The following ADAMTS17 variants were observed in gnomAD, a reference collection of about 807,000 sequenced individuals.
ADAMTS17 encodes ADAM metallopeptidase with thrombospondin type 1 motif 17.
Under a neutral mutation model 141.5 loss-of-function variants are expected in ADAMTS17, and 113 were observed. The ratio of observed to expected loss-of-function variants is 0.80; its 90% CI spans 0.69 to 0.93. The LOEUF (loss-of-function observed/expected upper bound fraction) is 0.93, where lower values mean the gene tolerates loss of function less well. ADAMTS17 is among the 40% of genes least tolerant of loss of function. ADAMTS17 has a pLI of 0.00. For synonymous variants in ADAMTS17, 768 were observed against 630.6 expected (o/e 1.22, Z -3.27); for missense variants, 1,659 against 1,517.9 (o/e 1.09, Z -1.54).
intron 15 of ADAMTS17, among the ~76,000 whole-genome samples, chr15:100,057,613 G>A (rs2032696529): frequency 6.6e-6 from 1 of 152,138 alleles, no homozygotes; most frequent in Admixed American, 6.5e-5. Flanking sequence ...TTTAAGCAAT[G>A]GTACCCAGGG....
chr15:100,076,503 A>T (rs2034390166), intron 15 of ADAMTS17, among the ~76,000 whole-genome samples: 1 of 152,140 alleles, frequency 6.6e-6, no homozygotes. Context: ...CTATTGCTGG[A>T]TACTTGTATA....
At chr15:99,998,200 C>T (rs2060844409) in intron 18 of ADAMTS17, among the ~76,000 whole-genome samples, 1 of 152,234 alleles carries the variant, frequency 6.6e-6, no homozygotes, top group South Asian at 2.1e-4. Context: ...GCCCTCCCTG[C>T]TTTCCAGAGC....
intron 18 of ADAMTS17, among the ~76,000 whole-genome samples, chr15:100,042,769 G>C (rs1480956): frequency 0.65 from 99,221 of 152,042 alleles, 33,946 homozygotes; most frequent in Non-Finnish European, 0.77. Context: ...GGACAGAGCG[G>C]GATGGTGTGA....
At chr15:100,092,573 C>A (rs1418730059) in intron 15 of ADAMTS17, among the ~76,000 whole-genome samples, 1 of 152,226 alleles carries the variant, frequency 6.6e-6, no homozygotes, top group Non-Finnish European at 1.5e-5. Flanking sequence ...AAAGAAGCCT[C>A]ATTTTGTACC....
chr15:99,974,135 T>TCCC lies in ADAMTS17; in HGVS notation c.*264_*266dup. ...TTGACGGTTGTCTGCCAGAGGTGCT[T>TCCC]CCCTTCGAGGTACCTGAAATCCTAG... On this transcript the variant is annotated 3_prime_UTR_variant, in exon 22 of 22. Transcript: ENST00000268070. 1 of 530,060 alleles carries TCCC rather than the reference T, an allele frequency of 1.9e-6. No homozygotes were observed. Among genetic ancestry groups the TCCC allele is most frequent in the Admixed American group, 3.2e-5 (1 of 31,678 alleles). 32.8% of individuals were successfully genotyped at this position (530,060 alleles called of 1,614,324 possible).
At chr15:100,325,429 C>G (rs1473101054) in intron 3 of ADAMTS17, among the ~76,000 whole-genome samples, 1 of 152,188 alleles carries the variant, frequency 6.6e-6, no homozygotes, top group Non-Finnish European at 1.5e-5. Context: ...CGGAGACATG[C>G]AGAGAGATAA....
At chr15:100,064,215 C>A (rs988910411) in intron 15 of ADAMTS17, among the ~76,000 whole-genome samples, 1 of 152,148 alleles carries the variant, frequency 6.6e-6, no homozygotes, top group Admixed American at 6.5e-5. Context: ...AGCCAAGGAA[C>A]GCCACAGACT....
chr15:100,209,243 C>G (rs1055668160), intron 7 of ADAMTS17, among the ~76,000 whole-genome samples: 1 of 151,672 alleles, frequency 6.6e-6, no homozygotes, highest in African/African-American at 2.4e-5. Flanking sequence ...TTTAGTGAAA[C>G]CTCGGGACAA....
chr15:100,159,308 T>C (rs1369641498), intron 8 of ADAMTS17, among the ~76,000 whole-genome samples: 1 of 152,238 alleles, frequency 6.6e-6, no homozygotes, highest in Non-Finnish European at 1.5e-5. Flanking sequence ...TTCTGCGATA[T>C]GCAACAACAT....
chr15:100,068,944 C>T (rs757264792), intron 15 of ADAMTS17, among the ~76,000 whole-genome samples: 6 of 152,238 alleles, frequency 3.9e-5, no homozygotes, highest in African/African-American at 7.2e-5. Context: ...CAAACTACTC[C>T]GAGCTAAAGG....
intron 7 of ADAMTS17, among the ~76,000 whole-genome samples, chr15:100,204,714 T>C (rs2041464794): frequency 2.0e-5 from 3 of 152,234 alleles, no homozygotes; most frequent in South Asian, 2.1e-4. Flanking sequence ...CTTCCTGACC[T>C]TGGTGTAGAC....
intron 7 of ADAMTS17, among the ~76,000 whole-genome samples, chr15:100,249,859 A>G (rs1232317149): frequency 6.6e-6 from 1 of 152,232 alleles, no homozygotes; most frequent in Non-Finnish European, 1.5e-5. Flanking sequence ...AACACTCATT[A>G]AAACACTTAA....
chr15:100,102,717 G>C (rs2036192368), intron 14 of ADAMTS17, among the ~76,000 whole-genome samples: 1 of 152,172 alleles, frequency 6.6e-6, no homozygotes, highest in African/African-American at 2.4e-5. Context: ...GCAGAAGGCT[G>C]GGCACCGTCC....
rs191233201 is a variant in ADAMTS17, at chr15:100,056,541, C to T, written c.2138-2487G>A. ...GCATGCACAACCCAGATCCCTTGCACGTGCCATTCACAATAGGGTTTGCGC... is the reference window on the plus strand; with the variant it reads ...GCATGCACAACCCAGATCCCTTGCATGTGCCATTCACAATAGGGTTTGCGC... On this transcript the variant is annotated intron_variant, in intron 15 of 21. Coordinates refer to ENST00000268070, the MANE Select transcript of ADAMTS17 (RefSeq NM_139057.4). 1.7e-4 allele frequency among the ~76,000 whole-genome samples: 26 copies of T among 152,284 alleles called. No homozygotes were observed. In the South Asian group the frequency reaches 2.1e-3, roughly 12 times the overall value.
chr15:100,209,316 C>T (rs1018575506), intron 7 of ADAMTS17, among the ~76,000 whole-genome samples: 6 of 152,122 alleles, frequency 3.9e-5, no homozygotes, highest in Non-Finnish European at 5.9e-5. Flanking sequence ...TCTTGGGCTG[C>T]GCACAAAGGT....
intron 3 of ADAMTS17, among the ~76,000 whole-genome samples, chr15:100,285,951 C>T (rs532713028): frequency 1.3e-5 from 2 of 152,278 alleles, no homozygotes; most frequent in South Asian, 2.1e-4. Context: ...CCACCATGTG[C>T]CAGCCTCTCC....
chr15:100,181,324 C>T (rs2040517472), intron 8 of ADAMTS17, among the ~76,000 whole-genome samples: 1 of 152,186 alleles, frequency 6.6e-6, no homozygotes, highest in Non-Finnish European at 1.5e-5. Flanking sequence ...AAGCTGGTAC[C>T]TAAGGTGCAA....
intron 3 of ADAMTS17, among the ~76,000 whole-genome samples, chr15:100,282,598 A>G (rs2044321312): frequency 6.6e-6 from 1 of 152,216 alleles, no homozygotes; most frequent in South Asian, 2.1e-4. Context: ...TACTGTACTC[A>G]CCTATTTTTG....
chr15:100,241,933 A>G (rs1056185535), intron 7 of ADAMTS17, among the ~76,000 whole-genome samples: 1 of 152,216 alleles, frequency 6.6e-6, no homozygotes, highest in African/African-American at 2.4e-5. Flanking sequence ...TCTCTGGTAG[A>G]GCAGCCCAAA....
Sources: allele counts gnomAD v4.1 joint callset (sites outside exome capture counted in the v4.1 genomes callset), GRCh38; gene constraint gnomAD v4.1.1; transcripts MANE v1.5; gene names NCBI Gene and HGNC (gene_info 2026-07-23, HGNC 2026-07-21).